The following ABR variants were observed in gnomAD, a reference collection of about 807,000 sequenced individuals.
The protein encoded by ABR is active breakpoint cluster region-related protein.
ABR carries 35 observed loss-of-function variants against 107.2 expected under a neutral mutation model. The observed-to-expected ratio is 0.33, with a 90% CI of 0.25 to 0.43. The LOEUF is 0.43. ABR is among the 20% of genes least tolerant of loss of function. The pLI is 1.00. For missense variants in ABR, 815 were observed against 1,115.2 expected (o/e 0.73, Z 3.83); for synonymous variants, 498 against 462.0 (o/e 1.08, Z -1.00).
intron 10 of ABR, among the ~76,000 whole-genome samples, chr17:1,063,907 T>C (rs1305200269): frequency 3.3e-4 from 49 of 148,712 alleles, no homozygotes; most frequent in Non-Finnish European, 5.5e-4. Context: ...ACTGTTGTTA[T>C]GTGAACTGAG....
intron 10 of ABR, among the ~76,000 whole-genome samples, chr17:1,061,558 T>G (rs2033927339): frequency 1.2e-5 from 1 of 82,436 alleles, no homozygotes; most frequent in African/African-American, 4.5e-5. Flanking sequence ...CCTTTTTTTT[T>G]TTGAGATGGA....
intron 2 of ABR, among the ~76,000 whole-genome samples, chr17:1,114,880 C>T (rs998981434): frequency 5.9e-5 from 9 of 152,190 alleles, no homozygotes; most frequent in Non-Finnish European, 1.2e-4. Flanking sequence ...TTCATGCATT[C>T]ATTCAGCTAA....
intron 1 of ABR, among the ~76,000 whole-genome samples, chr17:1,177,136 T>C (rs534778678): frequency 1.3e-5 from 2 of 152,282 alleles, no homozygotes; most frequent in East Asian, 3.9e-4. Flanking sequence ...AGCAAACAGC[T>C]TCCTGAGAAG....
At position 1,018,376 on chromosome 17, in the gene ABR, G is replaced by T. The variant is rs148875292; in HGVS notation, c.1792-5212C>A. On this transcript the variant is annotated intron_variant, in intron 16 of 22. Transcript: ENST00000302538. ...ATTTTTTAATTGACACATTGCAGTT[G>T]TATGTATTTATGGGGCGCAGTTCGA... Among the ~76,000 whole-genome samples the T allele has an allele frequency of 5.5e-4, 83 of 152,282 alleles. 1 individual carries two copies. The highest frequency in any genetic ancestry group is 1.6e-3 in the African/African-American group (68 of 41,556).
intron 16 of ABR, among the ~76,000 whole-genome samples, chr17:1,048,709 C>T (rs904373384): frequency 2.0e-5 from 3 of 147,902 alleles, no homozygotes; most frequent in Admixed American, 6.7e-5. Flanking sequence ...TCAAGAAGCT[C>T]GGCGCCCAGC....
Position 1,100,827 on chromosome 17 carries a change from CTTTA to C in ABR, c.247-96_247-93del, listed in dbSNP as rs1402409551. 4 of 1,256,194 alleles carry C rather than the reference CTTTA, an allele frequency of 3.2e-6. No homozygotes were observed. In the East Asian group the frequency reaches 7.0e-5, roughly 22 times the overall value. 77.8% of individuals were successfully genotyped at this position (1,256,194 alleles called of 1,614,324 possible). A position where few individuals can be genotyped will look rare whatever the true frequency, so the allele number is the denominator to read the frequency against. On this transcript the variant is annotated intron_variant, in intron 2 of 22. Coordinates refer to ENST00000302538, the MANE Select transcript of ABR (RefSeq NM_021962.5). ...TGCTTCCCTGCCCTTCCCCCCCGAC[CTTTA>C]TTTTTTTTTTGAGACGAAGTCTCGC...
Position 1,004,725 on chromosome 17 carries a change from A to T in ABR, c.*1355T>A, listed in dbSNP as rs1280199813. On this transcript the variant is annotated 3_prime_UTR_variant, in exon 23 of 23. Transcript: ENST00000302538. The stretch of plus-strand genomic sequence containing the variant: ...CAACAAGGAGGCCCCAGCAGAACCC[A>T]GCCCCTAGAGGCGGCTGTCTGATTC... The T allele has an allele frequency of 3.7e-6, 1 of 270,576 alleles. No individual in the cohort carries two copies. Among genetic ancestry groups the T allele is most frequent in the African/African-American group, 2.2e-5 (1 of 45,802 alleles). 16.8% of individuals were successfully genotyped at this position (270,576 alleles called of 1,614,324 possible). A position where few individuals can be genotyped will look rare whatever the true frequency, so the allele number is the denominator to read the frequency against.
At chr17:1,105,312 C>T (rs1421157910) in intron 2 of ABR, among the ~76,000 whole-genome samples, 2 of 151,810 alleles carry the variant, frequency 1.3e-5, no homozygotes, top group Admixed American at 6.6e-5. Context: ...CAAGAACTGA[C>T]TTGTAAAAAG....
At chr17:1,109,337 G>A (rs559522693) in intron 2 of ABR, among the ~76,000 whole-genome samples, 1 of 151,936 alleles carries the variant, frequency 6.6e-6, no homozygotes, top group South Asian at 2.1e-4. Flanking sequence ...AGGCGAACCC[G>A]CCGCACAGCA....
chr17:1,193,494 C>A (rs976549870), intron 1 of ABR, among the ~76,000 whole-genome samples: 4 of 152,166 alleles, frequency 2.6e-5, no homozygotes, highest in African/African-American at 9.7e-5. Flanking sequence ...TAGTGAGTGA[C>A]AGAGCCAAGT....
chr17:1,019,721 G>A (rs947203620), intron 16 of ABR, among the ~76,000 whole-genome samples: 3 of 152,268 alleles, frequency 2.0e-5, no homozygotes, highest in Admixed American at 1.3e-4. Context: ...GGGAAATGTG[G>A]ACTGTGCTAT....
intron 16 of ABR, among the ~76,000 whole-genome samples, chr17:1,047,813 C>G (rs550709850): frequency 7.9e-5 from 12 of 152,236 alleles, no homozygotes; most frequent in Admixed American, 3.9e-4. Flanking sequence ...GTGTTTCCCC[C>G]GGGGCTTGTG....
At chr17:1,029,566 A>AATG (rs1200332822) in intron 16 of ABR, among the ~76,000 whole-genome samples, 48 of 152,308 alleles carry the variant, frequency 3.2e-4, no homozygotes, top group Non-Finnish European at 4.4e-5. Flanking sequence ...ACGAGGAGTT[A>AATG]ATGAGGCAAT....
rs186395418 is a variant in ABR at position 1,059,258 on chromosome 17, A to G, written c.1183-391T>C. 2.9e-3 allele frequency among the ~76,000 whole-genome samples: 439 copies of G among 152,332 alleles called. 3 individuals carry two copies. Among genetic ancestry groups the G allele is most frequent in the Non-Finnish European group, 2.9e-3 (200 of 68,034 alleles). On this transcript the variant is annotated intron_variant, in intron 10 of 22. Coordinates refer to ENST00000302538, the MANE Select transcript of ABR (RefSeq NM_021962.5). ...CAGGGCTGCCGACATAACGGAAGCC[A>G]GCTGGTGCCAAGCCCTTTCCCTGCC...
At chr17:1,159,887 C>G (rs889793369) in intron 1 of ABR, among the ~76,000 whole-genome samples, 7 of 152,240 alleles carry the variant, frequency 4.6e-5, no homozygotes, top group African/African-American at 1.7e-4. Context: ...GGACCTGTGC[C>G]TTTGAGTCAG....
chr17:1,018,370 G>C (rs997405532), intron 16 of ABR, among the ~76,000 whole-genome samples: 1 of 152,178 alleles, frequency 6.6e-6, no homozygotes, highest in Non-Finnish European at 1.5e-5. Context: ...TTGACACATT[G>C]CAGTTGTATG....
intron 12 of ABR, among the ~76,000 whole-genome samples, chr17:1,057,386 GT>G (rs1181452759): frequency 1.3e-4 from 18 of 138,428 alleles, no homozygotes; most frequent in African/African-American, 3.2e-4. Flanking sequence ...TTTTGTTTTC[GT>G]TTTTTTTTTA....
rs117794400 is a variant in ABR, at chr17:1,157,052, C to T, written c.61+22615G>A. ...ACACACATACGATAAGTTAACTCAC[C>T]GCAGCCTCACACCGCGCCAGGAGGC... On this transcript the variant is annotated intron_variant, in intron 1 of 22. Coordinates refer to ENST00000302538, the MANE Select transcript of ABR (RefSeq NM_021962.5). The surrounding 1 kb of genome is among the most constrained non-coding windows in gnomAD (Gnocchi z 4.7). Among the ~76,000 whole-genome samples the T allele has an allele frequency of 6.3e-3, 957 of 152,244 alleles. 31 individuals carry two copies. The East Asian group carries it at 0.11, about 17-fold the overall frequency.
upstream of ABR, among the ~76,000 whole-genome samples, chr17:1,182,960 CCA>C (rs947073144): frequency 6.6e-6 from 1 of 152,120 alleles, no homozygotes; most frequent in African/African-American, 2.4e-5. Flanking sequence ...CCTTTGAGCA[CCA>C]CAGTGATTTG....
Sources: allele counts gnomAD v4.1 joint callset (sites outside exome capture counted in the v4.1 genomes callset), GRCh38; gene constraint gnomAD v4.1.1; non-coding constraint Gnocchi (gnomAD v3.1); transcripts MANE v1.5; gene names NCBI Gene and HGNC (gene_info 2026-07-23, HGNC 2026-07-21).